Variants in HTR2C observed in about 807,000 individuals in gnomAD.
The protein encoded by HTR2C is 5-hydroxytryptamine receptor 2C.
Under a neutral mutation model 21.0 loss-of-function variants are expected in HTR2C, and 5 were observed. The ratio of observed to expected loss-of-function variants is 0.24; its 90% CI spans 0.12 to 0.50. HTR2C has a LOEUF of 0.50. Among genes scored for constraint, HTR2C ranks in the 20% least tolerant of loss-of-function variants. HTR2C has a pLI of 0.98. For missense variants in HTR2C, 271 were observed against 371.2 expected (o/e 0.73, Z 2.22); for synonymous variants, 150 against 145.3 (o/e 1.03, Z -0.23).
chrX:114,830,691 T>G (rs1323690991), intron 4 of HTR2C, among the ~76,000 whole-genome samples: 1 of 108,841 alleles, frequency 9.2e-6, no homozygotes, highest in African/African-American at 3.3e-5. Flanking sequence ...GAGAGTGCTG[T>G]TTTTTGTTTT....
chrX:114,628,715 A>G (rs1345506685), intron 2 of HTR2C, among the ~76,000 whole-genome samples: 1 of 111,643 alleles, frequency 9.0e-6, no homozygotes, highest in Non-Finnish European at 1.9e-5. Flanking sequence ...TTAGAACAGT[A>G]GCACATCACC....
intron 2 of HTR2C, among the ~76,000 whole-genome samples, chrX:114,705,435 C>T (rs1432484102): frequency 1.8e-4 from 20 of 108,518 alleles, no homozygotes; most frequent in Non-Finnish European, 3.6e-4. Flanking sequence ...TTTGACAAAC[C>T]TGAGAAAAAC....
intron 5 of HTR2C, among the ~76,000 whole-genome samples, chrX:114,874,728 C>A (rs1209703508): frequency 3.6e-5 from 4 of 111,163 alleles, no homozygotes; most frequent in African/African-American, 1.3e-4. Context: ...AGGCTGGTCT[C>A]AAACTCCTGA....
At position 114,612,038 on chromosome X, in the gene HTR2C, G is replaced by A. The variant is rs1206179836; in HGVS notation, c.-146-1777G>A. Among the ~76,000 whole-genome samples, 5 of 112,091 alleles carry A rather than the reference G, an allele frequency of 4.5e-5. No individual in the cohort carries two copies. The East Asian group carries it at 1.4e-3, about 31-fold the overall frequency. ...GTTATTTTTCACTCATTTGAAGTTA[G>A]AACTATTTTTTACTTTCATAAGGAA... On this transcript the variant is annotated intron_variant, in intron 1 of 5. Coordinates refer to ENST00000276198, the MANE Select transcript of HTR2C (RefSeq NM_000868.4).
At chrX:114,626,545 T>TC (rs1379862654) in intron 2 of HTR2C, among the ~76,000 whole-genome samples, 1 of 111,997 alleles carries the variant, frequency 8.9e-6, no homozygotes, top group African/African-American at 3.2e-5. Context: ...AGCTTAAGAC[T>TC]CCAATGTAGT....
intron 2 of HTR2C, among the ~76,000 whole-genome samples, chrX:114,638,218 A>G (rs1222378974): frequency 8.9e-6 from 1 of 111,965 alleles, no homozygotes; most frequent in Non-Finnish European, 1.9e-5. Context: ...AATGTAGTAA[A>G]CACAAATTGA....
chrX:114,692,864 TCAA>T (rs1239964729), intron 2 of HTR2C, among the ~76,000 whole-genome samples: 1 of 111,802 alleles, frequency 8.9e-6, no homozygotes, highest in Non-Finnish European at 1.9e-5. Context: ...GAAAGTTTAT[TCAA>T]CAAGTATTTC....
chrX:114,759,913 A>G lies in HTR2C; in HGVS notation c.349+28306A>G, dbSNP rs1334939338. On this transcript the variant is annotated intron_variant, in intron 4 of 5. Coordinates refer to ENST00000276198, the MANE Select transcript of HTR2C (RefSeq NM_000868.4). Reference sequence around the variant, plus strand: ...CATTACCATCAACTCAGATTCATAGATTAGGTGCCATATTAAATGATATGA... The same window carrying G: ...CATTACCATCAACTCAGATTCATAGGTTAGGTGCCATATTAAATGATATGA... Among the ~76,000 whole-genome samples the G allele has an allele frequency of 4.5e-5, 5 of 111,845 alleles. No homozygotes were observed. In the East Asian group the frequency reaches 1.1e-3, roughly 25 times the overall value.
chrX:114,837,940 C>T (rs1162760774), intron 4 of HTR2C, among the ~76,000 whole-genome samples: 1 of 111,168 alleles, frequency 9.0e-6, no homozygotes, highest in Admixed American at 9.6e-5. Context: ...AGGGCACTGC[C>T]TTTATCCCTT....
intron 1 of HTR2C, among the ~76,000 whole-genome samples, chrX:114,606,082 G>C (rs782396744): frequency 9.1e-6 from 1 of 110,207 alleles, no homozygotes; most frequent in South Asian, 3.9e-4. Context: ...ACAGAAATAA[G>C]GGATTGGGGT....
chrX:114,656,333 A>G lies in HTR2C; in HGVS notation c.-80+42452A>G, dbSNP rs1025498563. ...AGAGTATTGCTTCAACATGAAGAAA[A>G]AGAATGCTCATTTAATCACCCATCC... On this transcript the variant is annotated intron_variant, in intron 2 of 5. Coordinates refer to ENST00000276198, the MANE Select transcript of HTR2C (RefSeq NM_000868.4). 4.5e-5 allele frequency among the ~76,000 whole-genome samples: 5 copies of G among 111,591 alleles called. No individual in the cohort carries two copies. The East Asian group carries it at 1.4e-3, about 31-fold the overall frequency.
At chrX:114,789,752 A>G (rs1158488112) in intron 4 of HTR2C, among the ~76,000 whole-genome samples, 1 of 111,333 alleles carries the variant, frequency 9.0e-6, no homozygotes, top group Admixed American at 9.6e-5. Context: ...TAAACTCATG[A>G]TTCCTCATCT....
chrX:114,881,521 G>A (rs2071181756), intron 5 of HTR2C, among the ~76,000 whole-genome samples: 2 of 108,114 alleles, frequency 1.8e-5, no homozygotes, highest in Admixed American at 2.0e-4. Context: ...TCTGTGAATG[G>A]TGCAAGATAA....
chrX:114,749,278 G>C (rs1224550575), intron 4 of HTR2C, among the ~76,000 whole-genome samples: 1 of 107,226 alleles, frequency 9.3e-6, no homozygotes, highest in Non-Finnish European at 1.9e-5. Context: ...GCAAAACCCT[G>C]TCTCTATAAA....
At chrX:114,877,105 T>A (rs1556478481) in intron 5 of HTR2C, among the ~76,000 whole-genome samples, 1 of 111,255 alleles carries the variant, frequency 9.0e-6, no homozygotes, top group East Asian at 2.8e-4. Context: ...GGTTTCTGAT[T>A]ACTGTTTAAT....
chrX:114,742,726 A>T (rs1556425510), intron 4 of HTR2C, among the ~76,000 whole-genome samples: 225 of 18,923 alleles, frequency 0.012, 1 homozygote, highest in Admixed American at 0.014. Flanking sequence ...TTTTTTTTTT[A>T]ATTTTTTTTT....
intron 2 of HTR2C, among the ~76,000 whole-genome samples, chrX:114,712,201 G>C (rs1386081417): frequency 9.0e-6 from 1 of 111,530 alleles, no homozygotes; most frequent in Non-Finnish European, 1.9e-5. Flanking sequence ...ATGAAATATA[G>C]AATCCCTGGA....
intron 5 of HTR2C, among the ~76,000 whole-genome samples, chrX:114,899,334 C>T (rs970642727): frequency 2.5e-4 from 28 of 111,348 alleles, no homozygotes; most frequent in Non-Finnish European, 3.8e-4. Context: ...CTTGACTTCC[C>T]GGATTCAGCC....
At chrX:114,726,340 T>C (rs782795694) in intron 2 of HTR2C, among the ~76,000 whole-genome samples, 1 of 112,538 alleles carries the variant, frequency 8.9e-6, no homozygotes, top group African/African-American at 3.2e-5. Context: ...CCCTTGCACT[T>C]CCCAAGTGAG....
Sources: gnomAD v4.1 joint callset for allele counts (sites outside exome capture counted in the v4.1 genomes callset) on GRCh38, gnomAD v4.1.1 for gene constraint, MANE v1.5 for transcripts, NCBI Gene and HGNC (gene_info 2026-07-23, HGNC 2026-07-21) for gene names.